The following CPAMD8 variants were observed in gnomAD, a reference collection of about 807,000 sequenced individuals.
CPAMD8 encodes C3 and PZP-like alpha-2-macroglobulin domain-containing protein 8.
In CPAMD8, 146 loss-of-function variants were observed where a neutral mutation model predicts 224.7. The observed-to-expected ratio is 0.65, with a 90% confidence interval of 0.57 to 0.75. CPAMD8 has a LOEUF of 0.75. CPAMD8 is among the 30% of genes least tolerant of loss of function. The pLI, the probability that CPAMD8 is intolerant of heterozygous loss-of-function variation, is 0.00. For synonymous variants in CPAMD8, 966 were observed against 1,044.6 expected (o/e 0.92, Z 1.45); for missense variants, 2,301 against 2,537.5 (o/e 0.91, Z 2.00).
intron 11 of CPAMD8, among the ~76,000 whole-genome samples, chr19:16,995,776 G>A (rs753831321): frequency 3.3e-5 from 5 of 152,086 alleles, no homozygotes; most frequent in Non-Finnish European, 5.9e-5. Flanking sequence ...GCACTTTGGG[G>A]GTCTGAGGTA....
chr19:16,997,242 C>T lies in CPAMD8; in HGVS notation c.964G>A (p.Val322Met), dbSNP rs62622858. 0.039 allele frequency: 60,506 copies of T among 1,551,618 alleles called. 1,372 individuals are homozygous for T. The highest frequency in any genetic ancestry group is 0.057 in the Middle Eastern group (336 of 5,938). Residue 322 changes from valine to methionine, a missense_variant, in exon 11 of 42, where the codon GTG (valine) becomes ATG (methionine). This residue lies in a region of CPAMD8 where 301 missense variants were observed against 406.6 expected (regional missense o/e 0.74). Coordinates refer to ENST00000443236, the MANE Select transcript of CPAMD8 (RefSeq NM_015692.5). Reference protein sequence around the residue: ...FRGRVSIWAMVTSVDGSQQVA... With the variant: ...FRGRVSIWAMMTSVDGSQQVA... ...TGCTGGCTCCCGTCCACACTGGTCACCATGGCCCAGATGCTGACCCTGCCC... is the reference window on the plus strand; with the variant it reads ...TGCTGGCTCCCGTCCACACTGGTCATCATGGCCCAGATGCTGACCCTGCCC...
At chr19:16,930,548 A>G (rs1197936030) in intron 23 of CPAMD8, among the ~76,000 whole-genome samples, 4 of 152,086 alleles carry the variant, frequency 2.6e-5, no homozygotes, top group African/African-American at 7.2e-5. Flanking sequence ...GAAATAATAC[A>G]TGGTGCTTGG....
chr19:16,913,599 C>T (rs533218196), intron 29 of CPAMD8, among the ~76,000 whole-genome samples: 10 of 152,148 alleles, frequency 6.6e-5, no homozygotes, highest in African/African-American at 2.2e-4. Flanking sequence ...CCACTTACTC[C>T]ATGGTATTTT....
In CPAMD8 at chr19:16,970,883, G is replaced by GC. The variant is rs750356196; in HGVS notation, c.2213+7dup. ...TTAGAAAACCTTGCTCAATGTATAA[G>GC]CCGTTACCTGGGGGGGTGCCTGGAA... is the stretch of plus-strand genomic sequence containing the variant. On this transcript the variant is annotated splice_region_variant and intron_variant, in intron 18 of 41. Coordinates refer to ENST00000443236, the MANE Select transcript of CPAMD8 (RefSeq NM_015692.5). 6.2e-7 allele frequency: 1 copy of GC among 1,613,114 alleles called. No individual in the cohort carries two copies.
intron 20 of CPAMD8, among the ~76,000 whole-genome samples, chr19:16,950,793 GAAAAAAAAAAAAA>G (rs757775739): frequency 2.2e-5 from 1 of 45,886 alleles, no homozygotes; most frequent in African/African-American, 8.6e-5. Flanking sequence ...ACCCTGTCTC[GAAAAAAAAAAAAA>G]AAAAAAAAAG....
intron 29 of CPAMD8, among the ~76,000 whole-genome samples, chr19:16,912,481 G>T (rs2052764674): frequency 6.6e-6 from 1 of 152,236 alleles, no homozygotes; most frequent in South Asian, 2.1e-4. Flanking sequence ...AGGCATGGTG[G>T]CTTATGCCTG....
Position 16,902,692 on chromosome 19 carries a change from G to A in CPAMD8, c.4642C>T (p.Gln1548Ter). 1 of 1,609,570 alleles carries A rather than the reference G, an allele frequency of 6.2e-7. No individual in the cohort carries two copies. The highest frequency in any genetic ancestry group is 8.5e-7 in the Non-Finnish European group (1 of 1,178,226). The change falls in exon 35 of 42, where the codon CAG becomes TAG. Residue 1548 changes from glutamine to a stop codon, truncating the protein, a stop_gained. Coordinates refer to ENST00000443236, the MANE Select transcript of CPAMD8 (RefSeq NM_015692.5). LOFTEE classifies it high-confidence loss of function. ...ATCACCTTGTATTCCTGGTGATGCT[G>A]ATCGGCCGCTGGGTCATCATCGTCA... ...PADDDDPAAD[Q>*]HHQEYKVMLE...
At chr19:16,978,329 A>T (rs1259097031) in intron 14 of CPAMD8, among the ~76,000 whole-genome samples, 1 of 152,166 alleles carries the variant, frequency 6.6e-6, no homozygotes, top group Non-Finnish European at 1.5e-5. Flanking sequence ...ATTCATCTGC[A>T]GATGGACACA....
At chr19:16,976,574 GT>G (rs747139624) in intron 15 of CPAMD8, among the ~76,000 whole-genome samples, 5 of 152,052 alleles carry the variant, frequency 3.3e-5, no homozygotes, top group Non-Finnish European at 7.3e-5. Flanking sequence ...ACCAAGGAGA[GT>G]GGGTCTTTGC....
intron 27 of CPAMD8, among the ~76,000 whole-genome samples, chr19:16,918,174 G>T (rs1334081887): frequency 1.3e-5 from 2 of 151,762 alleles, no homozygotes; most frequent in Admixed American, 1.3e-4. Flanking sequence ...TTAGTATTTT[G>T]AGTAGAGACG....
Position 16,899,390 on chromosome 19 carries a change from G to A in CPAMD8, c.4848+85C>T. The A allele has an allele frequency of 1.3e-6, 1 of 754,556 alleles. No homozygotes were observed. Among genetic ancestry groups the A allele is most frequent in the Admixed American group, 1.8e-5 (1 of 55,016 alleles). 46.7% of individuals were successfully genotyped at this position (754,556 alleles called of 1,614,324 possible). A position where few individuals can be genotyped will look rare whatever the true frequency, so the allele number is the denominator to read the frequency against. ...TTTTTTATGGTACAAGATACTTGCA[G>A]GGAGCCACACCAGGCAGTGACCGGT... On this transcript the variant is annotated intron_variant, in intron 37 of 41. Transcript: ENST00000443236. This position sits in a 1 kb window ranked among gnomAD's most constrained non-coding sequence, Gnocchi z 5.4.
intron 10 of CPAMD8, among the ~76,000 whole-genome samples, chr19:16,999,596 A>AAG (rs1555787681): frequency 0.056 from 8,338 of 150,138 alleles, 276 homozygotes; most frequent in African/African-American, 0.087. Context: ...AAAAAAAAAA[A>AAG]AAAAGAAAAG....
chr19:17,012,889 A>G (rs2056699503), intron 3 of CPAMD8, among the ~76,000 whole-genome samples: 1 of 152,200 alleles, frequency 6.6e-6, no homozygotes, highest in Non-Finnish European at 1.5e-5. Context: ...TCACTCTAAA[A>G]TCGCAGCACA....
intron 7 of CPAMD8, 136 bp downstream of exon 7, chr19:17,008,369 T>A (rs2056550451): frequency 2.9e-5 from 33 of 1,132,626 alleles, no homozygotes; most frequent in Non-Finnish European, 4.2e-5. Flanking sequence ...GTACCTGCCC[T>A]CCGCTCCTCC....
At chr19:16,974,659 G>C (rs1457555338) in intron 17 of CPAMD8, among the ~76,000 whole-genome samples, 1 of 151,956 alleles carries the variant, frequency 6.6e-6, no homozygotes, top group Admixed American at 6.6e-5. Context: ...TTTCACTGGG[G>C]AGAAATGAAA....
At position 16,897,918 on chromosome 19, in the gene CPAMD8, G is replaced by A; in HGVS notation, c.4925C>T (p.Pro1642Leu). The A allele has an allele frequency of 6.2e-7, 1 of 1,610,708 alleles. No individual in the cohort carries two copies. ...ECVVGRTSAL[P>L]VSVYDYYEPA... ...TTCGTAGTAGTCGTACACGGAGACT[G>A]GCAGCGCCGACGTCCTGCCCACCAC... The change falls in exon 38 of 42, where the codon CCA (proline) becomes CTA (leucine). Residue 1642 changes from proline to leucine, a missense_variant. Transcript: ENST00000443236.
chr19:16,909,244 T>C (rs186125613), intron 29 of CPAMD8, among the ~76,000 whole-genome samples: 5 of 152,214 alleles, frequency 3.3e-5, no homozygotes, highest in African/African-American at 9.6e-5. Flanking sequence ...ATGACAAATA[T>C]CTTTAAAAAA....
At chr19:16,979,847 C>G (rs2055444302) in intron 14 of CPAMD8, among the ~76,000 whole-genome samples, 1 of 152,192 alleles carries the variant, frequency 6.6e-6, no homozygotes, top group Admixed American at 6.5e-5. Flanking sequence ...ATCATTCTGT[C>G]TATCTACCTA....
At chr19:16,928,861 A>C in intron 24 of CPAMD8, 81 bp downstream of exon 24, 1 of 1,197,852 alleles carries the variant, frequency 8.3e-7, no homozygotes, top group East Asian at 2.4e-5. Flanking sequence ...CCTGGATCAA[A>C]GCCTGGCACC....
Sources: allele counts gnomAD v4.1 joint callset (sites outside exome capture counted in the v4.1 genomes callset), GRCh38; gene constraint gnomAD v4.1.1; regional missense constraint gnomAD v4.1.1; non-coding constraint Gnocchi (gnomAD v3.1); transcripts MANE v1.5; gene names NCBI Gene and HGNC (gene_info 2026-07-23, HGNC 2026-07-21).